Variants in PLEKHH1 observed in about 807,000 individuals in gnomAD.
PLEKHH1 encodes pleckstrin homology domain-containing family H member 1.
PLEKHH1 carries 104 observed loss-of-function variants against 160.0 expected under a neutral mutation model. The observed-to-expected ratio is 0.65, with a 90% CI of 0.55 to 0.76. PLEKHH1 has a LOEUF of 0.76. Ranked by LOEUF, PLEKHH1 falls within the 30% of genes least tolerant of loss-of-function variation. The pLI is 0.00. For missense variants in PLEKHH1, 1,427 were observed against 1,724.1 expected, an observed-to-expected ratio of 0.83 and a Z score of 3.05; for synonymous variants, 619 against 678.4, an observed-to-expected ratio of 0.91 and a Z score of 1.36.
intron 24 of PLEKHH1, 149 bp from the exon 25 acceptor site, chr14:67,583,592 A>G (rs2036004999): frequency 3.6e-6 from 2 of 560,890 alleles, no homozygotes; most frequent in South Asian, 3.1e-5. Context: ...AAAACTTGAG[A>G]TGAAGCGTTT....
chr14:67,565,359 C>A (rs1233659487), intron 7 of PLEKHH1, among the ~76,000 whole-genome samples: 1 of 152,098 alleles, frequency 6.6e-6, no homozygotes, highest in African/African-American at 2.4e-5. Context: ...TCTTTCCACC[C>A]CAGCCTTCTG....
At chr14:67,552,987 A>G (rs1566731642) in intron 2 of PLEKHH1, among the ~76,000 whole-genome samples, 1 of 152,236 alleles carries the variant, frequency 6.6e-6, no homozygotes, top group Non-Finnish European at 1.5e-5. Flanking sequence ...TGTCAATAAC[A>G]GAGCGATTTC....
chr14:67,535,622 C>T (rs964687561), intron 1 of PLEKHH1, among the ~76,000 whole-genome samples: 4 of 152,084 alleles, frequency 2.6e-5, no homozygotes, highest in African/African-American at 4.8e-5. Flanking sequence ...TCAGGTAAGC[C>T]GCCTGCCTCC....
intron 11 of PLEKHH1, among the ~76,000 whole-genome samples, chr14:67,572,902 GTCT>G (rs1372731724): frequency 2.0e-5 from 3 of 152,174 alleles, no homozygotes; most frequent in Non-Finnish European, 4.4e-5. Context: ...GCCTGGAATG[GTCT>G]TCTTCCTCCT....
chr14:67,570,417 A>G (rs1385093501), intron 9 of PLEKHH1: 1 of 362,322 alleles, frequency 2.8e-6, no homozygotes, highest in Admixed American at 6.1e-5. Flanking sequence ...ATTTTCATAC[A>G]CATTTTTGTC....
Position 67,582,492 on chromosome 14 carries a change from C to G in PLEKHH1, c.3426+282C>G, listed in dbSNP as rs1413826810. On this transcript the variant is annotated intron_variant, in intron 24 of 28. Transcript: ENST00000329153. The surrounding 1 kb of genome is among the most constrained non-coding windows in gnomAD (Gnocchi z 5.0). Reference sequence around the variant, plus strand: ...GTCTTAGCCAAGTCACTTCACTTCTCTATGCTTTAGTTTCCTTCTCAGTAT... The same window carrying G: ...GTCTTAGCCAAGTCACTTCACTTCTGTATGCTTTAGTTTCCTTCTCAGTAT... Among the ~76,000 whole-genome samples the G allele has an allele frequency of 6.6e-6, 1 of 152,098 alleles. No individual in the cohort carries two copies. The highest frequency in any genetic ancestry group is 2.4e-5 in the African/African-American group (1 of 41,430).
Position 67,574,765 on chromosome 14 carries a change from C to G in PLEKHH1, c.2088+362C>G, listed in dbSNP as rs2140487174. 6.6e-6 allele frequency among the ~76,000 whole-genome samples: 1 copy of G among 152,112 alleles called. No homozygotes were observed. The highest frequency in any genetic ancestry group is 2.1e-4 in the South Asian group (1 of 4,806). On this transcript the variant is annotated intron_variant, in intron 14 of 28. Coordinates refer to ENST00000329153, the MANE Select transcript of PLEKHH1 (RefSeq NM_020715.3). This position sits in a 1 kb window ranked among gnomAD's most constrained non-coding sequence, Gnocchi z 4.2. Reference sequence around the variant, plus strand: ...CGAGGTAGGTATGGCTCCTCAAAGACTTAAAGTATCCCAGGCCTGCCCTAA... The same window carrying G: ...CGAGGTAGGTATGGCTCCTCAAAGAGTTAAAGTATCCCAGGCCTGCCCTAA...
In PLEKHH1 at chr14:67,574,094, A is replaced by C. The variant is rs572127476; in HGVS notation, c.1927-148A>C. ...TGAAGGAAGGAGAGACAGGGAGGAA[A>C]AGATGAGGAGGAAAAGAAAGGAGGG... On this transcript the variant is annotated intron_variant, in intron 13 of 28. Coordinates refer to ENST00000329153, the MANE Select transcript of PLEKHH1 (RefSeq NM_020715.3). The surrounding 1 kb of genome is among the most constrained non-coding windows in gnomAD (Gnocchi z 4.2). 7 of 722,496 alleles carry C rather than the reference A, an allele frequency of 9.7e-6. No homozygotes were observed. The highest frequency in any genetic ancestry group is 2.3e-6 in the Non-Finnish European group (1 of 437,382). 44.8% of individuals were successfully genotyped at this position (722,496 alleles called of 1,614,324 possible).
rs1008369780 is a variant in PLEKHH1, at chr14:67,573,793, C to A, written c.1840-8C>A. The A allele has an allele frequency of 3.9e-5, 62 of 1,599,134 alleles. No homozygotes were observed. Among genetic ancestry groups the A allele is most frequent in the Middle Eastern group, 1.6e-4 (1 of 6,064 alleles). Reference sequence around the variant, plus strand: ...CAGTGGCTCTCCTCTCCAATACTTTCTTTACAGAGTGATGTCATCCGGAAA... The same window carrying A: ...CAGTGGCTCTCCTCTCCAATACTTTATTTACAGAGTGATGTCATCCGGAAA... On this transcript the variant is annotated splice_region_variant and splice_polypyrimidine_tract_variant and intron_variant, in intron 12 of 28. Transcript: ENST00000329153. This position sits in a 1 kb window ranked among gnomAD's most constrained non-coding sequence, Gnocchi z 4.8.
intron 1 of PLEKHH1, among the ~76,000 whole-genome samples, chr14:67,537,163 G>A (rs996950250): frequency 3.4e-5 from 5 of 146,764 alleles, no homozygotes; most frequent in Non-Finnish European, 7.5e-5. Context: ...TGGGCACCAT[G>A]GTGAAACCCT....
At position 67,586,088 on chromosome 14, in the gene PLEKHH1, T is replaced by C; in HGVS notation, c.3924T>C (p.Ala1308=). ...SHIEKLIFRM[A]APKIAEATFI... ...TTGAGAAGTTGATCTTCCGGATGGC[T>C]GCTCCCAAGGTAGGTCTGACAGCTG... Residue 1308 remains alanine (A), a synonymous_variant, in exon 28 of 29, where the codon GCT becomes GCC. Coordinates refer to ENST00000329153, the MANE Select transcript of PLEKHH1 (RefSeq NM_020715.3). 6.2e-7 allele frequency: 1 copy of C among 1,613,956 alleles called. No homozygotes were observed. The highest frequency in any genetic ancestry group is 1.3e-5 in the African/African-American group (1 of 75,066).
intron 28 of PLEKHH1, 109 bp from the exon 29 acceptor site, chr14:67,586,965 G>A: frequency 6.5e-7 from 1 of 1,540,702 alleles, no homozygotes; most frequent in South Asian, 1.2e-5. Context: ...TATTTTAAGA[G>A]ATTAAATAAA....
chr14:67,586,665 C>T (rs570920664), intron 28 of PLEKHH1: 15 of 478,946 alleles, frequency 3.1e-5, no homozygotes, highest in Non-Finnish European at 4.5e-5. Context: ...TCCTGACTCC[C>T]GTGTGATTAA....
chr14:67,575,874 C>A lies in PLEKHH1; in HGVS notation c.2221C>A (p.Arg741=). The A allele has an allele frequency of 6.2e-7, 1 of 1,613,958 alleles. No individual in the cohort carries two copies. The highest frequency in any genetic ancestry group is 8.5e-7 in the Non-Finnish European group (1 of 1,179,856). Residue 741 remains arginine, a synonymous_variant, in exon 16 of 29, where the codon CGA becomes AGA. Coordinates refer to ENST00000329153, the MANE Select transcript of PLEKHH1 (RefSeq NM_020715.3). ...GGATGCGCACATAGAGGAAGTAGAT[C>A]GATCCTGTGACTCAGACGAGGACTA... ...VRDAHIEEVD[R]SCDSDEDYEA...
At chr14:67,559,128 A>G (rs1001505273) in intron 4 of PLEKHH1, among the ~76,000 whole-genome samples, 1 of 152,206 alleles carries the variant, frequency 6.6e-6, no homozygotes, top group African/African-American at 2.4e-5. Flanking sequence ...TCAGATGCCA[A>G]CCTTTTCAAT....
chr14:67,587,331 C>A lies in PLEKHH1; in HGVS notation c.*96C>A. ...ATACTACTGTGACGGGTCTAACAGC[C>A]CCCGGCTACTCTTGTTCTGTGAAAT... is the stretch of plus-strand genomic sequence containing the variant. On this transcript the variant is annotated 3_prime_UTR_variant, in exon 29 of 29. Transcript: ENST00000329153. 7.4e-7 allele frequency: 1 copy of A among 1,343,314 alleles called. No homozygotes were observed. Among genetic ancestry groups the A allele is most frequent in the Non-Finnish European group, 1.1e-6 (1 of 933,972 alleles). 83.2% of individuals were successfully genotyped at this position (1,343,314 alleles called of 1,614,324 possible).
intron 2 of PLEKHH1, among the ~76,000 whole-genome samples, chr14:67,548,600 G>A (rs777936860): frequency 1.1e-4 from 17 of 152,222 alleles, no homozygotes; most frequent in Non-Finnish European, 2.2e-4. Flanking sequence ...TGGAGGCTGA[G>A]GCAGGAGAAT....
At chr14:67,557,858 G>C (rs926351705) in intron 4 of PLEKHH1, among the ~76,000 whole-genome samples, 2 of 152,212 alleles carry the variant, frequency 1.3e-5, no homozygotes, top group Non-Finnish European at 2.9e-5. Flanking sequence ...TTCTGGCCTT[G>C]TCGTGCCCTG....
chr14:67,549,665 G>GAA (rs1421664789), intron 2 of PLEKHH1, among the ~76,000 whole-genome samples: 3 of 152,188 alleles, frequency 2.0e-5, no homozygotes, highest in Non-Finnish European at 4.4e-5. Flanking sequence ...GAGTTCTGTA[G>GAA]TGCTCGTGAA....
Sources: gnomAD v4.1 joint callset for allele counts (sites outside exome capture counted in the v4.1 genomes callset) on GRCh38, gnomAD v4.1.1 for gene constraint, Gnocchi (gnomAD v3.1) non-coding constraint, MANE v1.5 for transcripts, NCBI Gene and HGNC (gene_info 2026-07-23, HGNC 2026-07-21) for gene names.